Variants in GNA14 observed in about 807,000 individuals in gnomAD.
The protein encoded by GNA14 is guanine nucleotide-binding protein subunit alpha-14.
In GNA14, 50 loss-of-function variants were observed where a neutral mutation model predicts 42.0. The observed-to-expected ratio is 1.19, with a 90% CI of 0.95 to 1.51. GNA14 has a LOEUF of 1.51. Ranked by LOEUF, GNA14 falls within the 40% of genes most tolerant of loss-of-function variation. GNA14 has a pLI of 0.00. For synonymous variants in GNA14, 173 were observed against 163.1 expected, an observed-to-expected ratio of 1.06 and a Z score of -0.46; for missense variants, 473 against 446.2, an observed-to-expected ratio of 1.06 and a Z score of -0.54.
rs150151705 is a variant in GNA14, at chr9:77,457,717, G to A, written c.310-23195C>T. Among the ~76,000 whole-genome samples the A allele has an allele frequency of 3.2e-3, 486 of 152,120 alleles. 4 individuals are homozygous for A. The highest frequency in any genetic ancestry group is 0.011 in the African/African-American group (444 of 41,478). On this transcript the variant is annotated intron_variant, in intron 2 of 6. Coordinates refer to ENST00000341700, the MANE Select transcript of GNA14 (RefSeq NM_004297.4). ...TCCGGGCTATAGACACCCTCACGCC[G>A]CCCAGCCTGCTACTCTTAATAAATT...
chr9:77,640,281 G>A (rs142379672), intron 1 of GNA14, among the ~76,000 whole-genome samples: 1 of 152,146 alleles, frequency 6.6e-6, no homozygotes, highest in Admixed American at 6.5e-5. Flanking sequence ...TCCGATAAAT[G>A]ATTGTCTCCT....
At chr9:77,570,028 G>T (rs1269602954) in intron 1 of GNA14, among the ~76,000 whole-genome samples, 2 of 152,064 alleles carry the variant, frequency 1.3e-5, no homozygotes, top group African/African-American at 4.8e-5. Flanking sequence ...GCCTCCCAAA[G>T]TGCTGGGATT....
At chr9:77,494,125 G>A (rs894309182) in intron 2 of GNA14, among the ~76,000 whole-genome samples, 2 of 151,890 alleles carry the variant, frequency 1.3e-5, no homozygotes, top group Admixed American at 6.6e-5. Context: ...GTTTCACCAC[G>A]TTGCCCATGC....
At chr9:77,558,935 A>C (rs548597898) in intron 1 of GNA14, among the ~76,000 whole-genome samples, 6,366 of 151,858 alleles carry the variant, frequency 0.042, 301 homozygotes, top group African/African-American at 0.11. Context: ...AAAACAAAAA[A>C]AAAAACAAAA....
At chr9:77,457,812 C>T (rs1221485935) in intron 2 of GNA14, among the ~76,000 whole-genome samples, 2 of 152,162 alleles carry the variant, frequency 1.3e-5, no homozygotes, top group Non-Finnish European at 2.9e-5. Flanking sequence ...CCAAAGCTTA[C>T]AGATTTTTAA....
chr9:77,624,683 G>C (rs557809286), intron 1 of GNA14, among the ~76,000 whole-genome samples: 4 of 152,290 alleles, frequency 2.6e-5, no homozygotes, highest in East Asian at 3.9e-4. Context: ...AGAGGGGCCT[G>C]ACTGTTAGAA....
intron 1 of GNA14, among the ~76,000 whole-genome samples, chr9:77,547,798 C>CATCA (rs1008332754): frequency 5.7e-4 from 87 of 152,158 alleles, no homozygotes; most frequent in Middle Eastern, 3.4e-3. Flanking sequence ...AAGTATAATA[C>CATCA]ATCAAGTAAA....
At chr9:77,586,180 G>A (rs1461395117) in intron 1 of GNA14, among the ~76,000 whole-genome samples, 1 of 151,932 alleles carries the variant, frequency 6.6e-6, no homozygotes, top group Non-Finnish European at 1.5e-5. Flanking sequence ...CCCACAAATT[G>A]GTTATAACAA....
chr9:77,536,603 G>A (rs1046920369), intron 1 of GNA14, among the ~76,000 whole-genome samples: 11 of 152,238 alleles, frequency 7.2e-5, no homozygotes, highest in African/African-American at 2.6e-4. Context: ...TGCCCACCTT[G>A]ACCTCCCAAA....
intron 2 of GNA14, among the ~76,000 whole-genome samples, chr9:77,472,087 C>T (rs115060017): frequency 0.024 from 3,678 of 152,160 alleles, 156 homozygotes; most frequent in African/African-American, 0.083. Flanking sequence ...CAGTGCTTGT[C>T]CAAGTAAAAC....
chr9:77,553,667 A>T lies in GNA14; in HGVS notation c.125-24414T>A, dbSNP rs1837812055. Among the ~76,000 whole-genome samples, 3 of 152,210 alleles carry T rather than the reference A, an allele frequency of 2.0e-5. No homozygotes were observed. In the East Asian group the frequency reaches 5.9e-4, roughly 30 times the overall value. ...CCAGTGTTAATGGGCATATGAGAAA[A>T]CAGACACCCATTCCCACTTATTTGT... On this transcript the variant is annotated intron_variant, in intron 1 of 6. Transcript: ENST00000341700.
intron 1 of GNA14, among the ~76,000 whole-genome samples, chr9:77,542,073 T>A (rs977817627): frequency 1.3e-5 from 2 of 152,210 alleles, no homozygotes; most frequent in African/African-American, 4.8e-5. Context: ...AATTATTGTG[T>A]TCCTTTGGAG....
intron 2 of GNA14, among the ~76,000 whole-genome samples, chr9:77,484,131 A>G (rs2131730998): frequency 6.6e-6 from 1 of 152,362 alleles, no homozygotes; most frequent in South Asian, 2.1e-4. Flanking sequence ...AACAACTGGA[A>G]CACAGTAAAG....
chr9:77,508,499 G>T (rs1247012577), intron 2 of GNA14, among the ~76,000 whole-genome samples: 1 of 152,196 alleles, frequency 6.6e-6, no homozygotes, highest in Non-Finnish European at 1.5e-5. Flanking sequence ...ATGCATGTTT[G>T]TGTATATGTC....
rs576439503 is a variant in GNA14, at chr9:77,539,406, G to A, written c.125-10153C>T. Among the ~76,000 whole-genome samples, 22 of 152,284 alleles carry A rather than the reference G, an allele frequency of 1.4e-4. No homozygotes were observed. In the South Asian group the frequency reaches 1.4e-3, roughly 10 times the overall value. On this transcript the variant is annotated intron_variant, in intron 1 of 6. Transcript: ENST00000341700. The stretch of plus-strand genomic sequence containing the variant: ...CATGATGTGCTGTTGGATTTGGTTT[G>A]CTAGTATTTAGTCGAAGACTTTTTG...
At chr9:77,535,911 G>A (rs1265591964) in intron 1 of GNA14, among the ~76,000 whole-genome samples, 1 of 147,094 alleles carries the variant, frequency 6.8e-6, no homozygotes, top group Non-Finnish European at 1.5e-5. Context: ...TTTTTTCCAA[G>A]CAAGTTCCAA....
intron 1 of GNA14, among the ~76,000 whole-genome samples, chr9:77,561,150 T>A (rs964595141): frequency 2.0e-5 from 3 of 152,180 alleles, no homozygotes; most frequent in East Asian, 3.9e-4. Context: ...TGTCACCAGG[T>A]ACCTATTAAA....
intron 1 of GNA14, among the ~76,000 whole-genome samples, chr9:77,579,769 G>C (rs911748354): frequency 6.6e-6 from 1 of 152,142 alleles, no homozygotes; most frequent in African/African-American, 2.4e-5. Context: ...GTCCTAATTT[G>C]TTCAATTGTG....
chr9:77,558,573 C>T (rs138078576), intron 1 of GNA14, among the ~76,000 whole-genome samples: 1 of 152,072 alleles, frequency 6.6e-6, no homozygotes, highest in Non-Finnish European at 1.5e-5. Context: ...GCTCCCAGAT[C>T]GTACATCTAA....
Sources: allele counts gnomAD v4.1 joint callset (sites outside exome capture counted in the v4.1 genomes callset), GRCh38; gene constraint gnomAD v4.1.1; transcripts MANE v1.5; gene names NCBI Gene and HGNC (gene_info 2026-07-23, HGNC 2026-07-21).